Variants in FANCM observed in about 807,000 individuals in gnomAD.
FANCM encodes FA complementation group M.
FANCM carries 140 observed loss-of-function variants against 199.5 expected under a neutral mutation model. The ratio of observed to expected loss-of-function variants is 0.70; its 90% CI spans 0.61 to 0.81. The LOEUF is 0.81. FANCM is among the 30% of genes least tolerant of loss of function. The pLI is 0.00. For missense variants in FANCM, 2,410 were observed against 2,421.4 expected, an observed-to-expected ratio of 1.00 and a Z score of 0.10; for synonymous variants, 840 against 836.8, an observed-to-expected ratio of 1.00 and a Z score of -0.07.
At chr14:45,178,948 C>G (rs529538052) in intron 14 of FANCM, among the ~76,000 whole-genome samples, 7 of 152,266 alleles carry the variant, frequency 4.6e-5, no homozygotes, top group Admixed American at 6.5e-5. Context: ...CCTGTAATCC[C>G]AGCACTTTGG....
chr14:45,184,413 G>T (rs759833937), intron 17 of FANCM, among the ~76,000 whole-genome samples: 3 of 152,128 alleles, frequency 2.0e-5, no homozygotes, highest in Non-Finnish European at 4.4e-5. Context: ...TGTAATCCCA[G>T]CACTTTGGGA....
chr14:45,154,212 C>T (rs1887021047), intron 6 of FANCM, among the ~76,000 whole-genome samples, 160 bp downstream of exon 6: 1 of 151,904 alleles, frequency 6.6e-6, no homozygotes. Context: ...ACCAGCCTGG[C>T]CAACATGGTG....
chr14:45,158,212 A>G (rs977592061), intron 8 of FANCM, among the ~76,000 whole-genome samples: 1 of 152,120 alleles, frequency 6.6e-6, no homozygotes, highest in East Asian at 1.9e-4. Flanking sequence ...ATAAAAACAA[A>G]CAACCAAAAA....
intron 14 of FANCM, among the ~76,000 whole-genome samples, chr14:45,178,589 C>T (rs1888859780): frequency 6.6e-6 from 1 of 152,044 alleles, no homozygotes; most frequent in Non-Finnish European, 1.5e-5. Flanking sequence ...AAAAAGAAAG[C>T]CTCCTAGAAT....
At chr14:45,162,052 C>T (rs1470095713) in intron 9 of FANCM, among the ~76,000 whole-genome samples, 1 of 152,100 alleles carries the variant, frequency 6.6e-6, no homozygotes, top group Non-Finnish European at 1.5e-5. Context: ...GGTTTTTGGC[C>T]TGAGCAACTG....
chr14:45,159,330 G>A (rs778645574), intron 9 of FANCM, 50 bp downstream of exon 9: 1 of 1,392,364 alleles, frequency 7.2e-7, no homozygotes, highest in Non-Finnish European at 1.0e-6. Flanking sequence ...GATTAGCTTT[G>A]CACTTGTTCT....
chr14:45,145,264 C>G (rs1040671658), intron 3 of FANCM, among the ~76,000 whole-genome samples: 1 of 151,598 alleles, frequency 6.6e-6, no homozygotes, highest in Non-Finnish European at 1.5e-5. Context: ...GAGTCACTTT[C>G]GTTTATGTGA....
chr14:45,177,196 A>G (rs1000207333), intron 14 of FANCM, among the ~76,000 whole-genome samples: 1 of 150,300 alleles, frequency 6.7e-6, no homozygotes, highest in Non-Finnish European at 1.5e-5. Flanking sequence ...TATTCTTGCT[A>G]GACATTATGA....
rs1350057442 is a variant in FANCM, at chr14:45,199,881, A to G, written c.6020A>G (p.Glu2007Gly). The change falls in exon 23 of 23, where the codon GAA (glutamate) becomes GGA (glycine). Residue 2007 changes from glutamate (E) to glycine (G), a missense_variant. Glu to Gly is a moderately conservative substitution (Grantham distance 98). Coordinates refer to ENST00000267430, the MANE Select transcript of FANCM (RefSeq NM_020937.4). ...VKRMANSSLQ[E>G]ISMYAQVTHQ... ...CATTTATTTTTCAGCTCACTTCAAG[A>G]AATCTCCATGTATGCACAAGTAACT... is the stretch of plus-strand genomic sequence containing the variant. The G allele has an allele frequency of 6.2e-7, 1 of 1,612,258 alleles. No homozygotes were observed. Among genetic ancestry groups the G allele is most frequent in the Non-Finnish European group, 8.5e-7 (1 of 1,178,800 alleles).
chr14:45,151,926 A>T (rs1265430220), intron 5 of FANCM, among the ~76,000 whole-genome samples: 1 of 152,078 alleles, frequency 6.6e-6, no homozygotes, highest in Middle Eastern at 3.4e-3. Context: ...AAAAAAAAAA[A>T]AAAAAAAATC....
rs2139234794 is a variant in FANCM at position 45,173,121 on chromosome 14, C to T, written c.2227C>T (p.Pro743Ser). The T allele has an allele frequency of 2.5e-6, 4 of 1,610,734 alleles. No homozygotes were observed. Among genetic ancestry groups the T allele is most frequent in the Non-Finnish European group, 3.4e-6 (4 of 1,176,988 alleles). ...TGAATGGAGACTGTGGCAAGATCATCCTTTGCCTACACATCAAGTTGATCA... is the reference window on the plus strand; with the variant it reads ...TGAATGGAGACTGTGGCAAGATCATTCTTTGCCTACACATCAAGTTGATCA... ...LSEWRLWQDHPLPTHQVDHSD... is the reference protein window; with the variant it reads ...LSEWRLWQDHSLPTHQVDHSD... Residue 743 changes from proline to serine, a missense_variant, in exon 13 of 23, where the codon CCT becomes TCT. Transcript: ENST00000267430.
chr14:45,148,610 G>A (rs1886596072), intron 3 of FANCM, among the ~76,000 whole-genome samples: 1 of 152,050 alleles, frequency 6.6e-6, no homozygotes, highest in Non-Finnish European at 1.5e-5. Flanking sequence ...CGGATGCTTG[G>A]CTTGAAGGTC....
Position 45,164,567 on chromosome 14 carries a change from T to A in FANCM, c.1788+2T>A, listed in dbSNP as rs1887832871. On this transcript the variant is annotated splice_donor_variant, in intron 10 of 22. Transcript: ENST00000267430. LOFTEE classifies it high-confidence loss of function. ...CTTTCTGAAGGACGAGAGGAACGTG[T>A]AAGTAGAGCTGCAGAAACACAATTT... 6.2e-7 allele frequency: 1 copy of A among 1,603,864 alleles called. No homozygotes were observed. Among genetic ancestry groups the A allele is most frequent in the Non-Finnish European group, 8.5e-7 (1 of 1,173,882 alleles).
intron 4 of FANCM, 44 bp downstream of exon 4, chr14:45,149,039 G>C (rs1186508309): frequency 7.2e-7 from 1 of 1,381,506 alleles, no homozygotes; most frequent in Non-Finnish European, 1.0e-6. Context: ...AAATAAACTG[G>C]TAATTGAATT....
At chr14:45,184,923 G>A (rs1390500072) in intron 17 of FANCM, among the ~76,000 whole-genome samples, 2 of 149,702 alleles carry the variant, frequency 1.3e-5, no homozygotes, top group Admixed American at 6.7e-5. Context: ...ACAGGCATGC[G>A]CCACCACACC....
Position 45,142,528 on chromosome 14 carries a change from G to A in FANCM, c.759+1819G>A, listed in dbSNP as rs544044162. Among the ~76,000 whole-genome samples the A allele has an allele frequency of 6.4e-4, 97 of 151,780 alleles. 1 individual carries two copies. The highest frequency in any genetic ancestry group is 2.2e-3 in the African/African-American group (91 of 41,276). Reference sequence around the variant, plus strand: ...TCACTATGTTGGCCAGGCTGGTCTCGAGCTCCTGACCTCGTGATCCACCCG... The same window carrying A: ...TCACTATGTTGGCCAGGCTGGTCTCAAGCTCCTGACCTCGTGATCCACCCG... On this transcript the variant is annotated intron_variant, in intron 3 of 22. Transcript: ENST00000267430.
At chr14:45,197,112 A>C (rs1349261216) in intron 21 of FANCM, among the ~76,000 whole-genome samples, 1 of 152,154 alleles carries the variant, frequency 6.6e-6, no homozygotes, top group Admixed American at 6.5e-5. Flanking sequence ...AGATTTCTGC[A>C]GTAATTATTT....
At chr14:45,157,031 T>A (rs958006917) in intron 8 of FANCM, among the ~76,000 whole-genome samples, 1 of 151,340 alleles carries the variant, frequency 6.6e-6, no homozygotes, top group African/African-American at 2.4e-5. Flanking sequence ...AGAATAGAGA[T>A]AAGTATGTGA....
At chr14:45,151,557 C>G (rs773074479) in intron 5 of FANCM, 29 bp downstream of exon 5, 1 of 1,592,982 alleles carries the variant, frequency 6.3e-7, no homozygotes, top group South Asian at 1.1e-5. Context: ...ATTTTGATGA[C>G]AGATTAAATT....
Sources: allele counts gnomAD v4.1 joint callset (sites outside exome capture counted in the v4.1 genomes callset), GRCh38; gene constraint gnomAD v4.1.1; transcripts MANE v1.5; gene names NCBI Gene and HGNC (gene_info 2026-07-23, HGNC 2026-07-21).